The following SORCS1 variants were observed in gnomAD, a reference collection of about 807,000 sequenced individuals.
The protein encoded by SORCS1 is VPS10 domain-containing receptor SorCS1.
SORCS1 carries 60 observed loss-of-function variants against 146.1 expected under a neutral mutation model. That is an observed-to-expected ratio of 0.41 (90% confidence interval 0.33 to 0.51). SORCS1 has a LOEUF of 0.51. Among genes scored for constraint, SORCS1 ranks in the 20% least tolerant of loss-of-function variants. The probability of loss-of-function intolerance (pLI) is 0.21; values close to 1 mark genes in which losing one functional copy is unlikely to be tolerated. For synonymous variants in SORCS1, 637 were observed against 584.0 expected, an observed-to-expected ratio of 1.09 and a Z score of -1.31; for missense variants, 1,352 against 1,487.6, an observed-to-expected ratio of 0.91 and a Z score of 1.50.
At chr10:107,113,884 A>G (rs1386046132) in intron 1 of SORCS1, among the ~76,000 whole-genome samples, 1 of 151,204 alleles carries the variant, frequency 6.6e-6, no homozygotes, top group African/African-American at 2.4e-5. Flanking sequence ...TTGAAAAGAT[A>G]TAAATAGACA....
chr10:107,131,777 G>A (rs147354466), intron 1 of SORCS1, among the ~76,000 whole-genome samples: 2 of 152,156 alleles, frequency 1.3e-5, no homozygotes, highest in African/African-American at 4.8e-5. Context: ...CTGCTACACA[G>A]AGGATGCTAT....
At position 107,144,696 on chromosome 10, in the gene SORCS1, AC is replaced by A. The variant is rs1968153464; in HGVS notation, c.558+19272del. On this transcript the variant is annotated intron_variant, in intron 1 of 25. Coordinates refer to ENST00000263054, the MANE Select transcript of SORCS1 (RefSeq NM_052918.5). The stretch of plus-strand genomic sequence containing the variant: ...CCCCAGCTGAAGAGCCAGGTTCAGC[AC>A]TGTCTCATAGGGAACAGCTCCACCT... Among the ~76,000 whole-genome samples the A allele has an allele frequency of 3.9e-5, 6 of 152,364 alleles. No individual in the cohort carries two copies. In the South Asian group the frequency reaches 1.2e-3, roughly 32 times the overall value.
At position 106,695,664 on chromosome 10, in the gene SORCS1, A is replaced by T. The variant is rs146200001; in HGVS notation, c.1413+3550T>A. Among the ~76,000 whole-genome samples the T allele has an allele frequency of 1.4e-3, 213 of 152,244 alleles. 2 individuals are homozygous for T. The highest frequency in any genetic ancestry group is 3.4e-3 in the Middle Eastern group (1 of 294). On this transcript the variant is annotated intron_variant, in intron 9 of 25. Transcript: ENST00000263054. The stretch of plus-strand genomic sequence containing the variant: ...AGGTTCTTTACACCATGCCTGGCAT[A>T]AAGTGGCCCAAAATATTAGCCATTA...
intron 1 of SORCS1, among the ~76,000 whole-genome samples, chr10:107,137,930 C>A (rs1967469126): frequency 6.6e-6 from 1 of 151,866 alleles, no homozygotes; most frequent in Non-Finnish European, 1.5e-5. Context: ...ATTCCAAGTT[C>A]CATGAAGGCA....
chr10:107,141,832 T>G (rs963555994), intron 1 of SORCS1, among the ~76,000 whole-genome samples: 1 of 152,054 alleles, frequency 6.6e-6, no homozygotes, highest in Non-Finnish European at 1.5e-5. Flanking sequence ...GGCAGCAGAG[T>G]GATTTTCTGT....
At chr10:107,155,672 T>A (rs1455873002) in intron 1 of SORCS1, among the ~76,000 whole-genome samples, 1 of 152,088 alleles carries the variant, frequency 6.6e-6, no homozygotes, top group Non-Finnish European at 1.5e-5. Context: ...TCGCTTTTAA[T>A]CTGCCCCACC....
intron 18 of SORCS1, among the ~76,000 whole-genome samples, chr10:106,646,892 G>T (rs1849478241): frequency 6.7e-6 from 1 of 149,304 alleles, no homozygotes; most frequent in Non-Finnish European, 1.5e-5. Flanking sequence ...AAAGTGGGTG[G>T]GTGTGTGTCT....
intron 3 of SORCS1, among the ~76,000 whole-genome samples, chr10:106,817,820 T>C (rs990394316): frequency 6.6e-6 from 1 of 152,202 alleles, no homozygotes; most frequent in African/African-American, 2.4e-5. Context: ...TCAATAAATA[T>C]TGGTTCAACT....
chr10:106,593,210 T>A (rs1004570426), intron 24 of SORCS1, among the ~76,000 whole-genome samples: 1 of 151,798 alleles, frequency 6.6e-6, no homozygotes, highest in Non-Finnish European at 1.5e-5. Flanking sequence ...AAGTTTTCCA[T>A]GAGTGAAGGG....
intron 1 of SORCS1, among the ~76,000 whole-genome samples, chr10:107,025,799 A>T (rs571441812): frequency 6.2e-4 from 94 of 152,284 alleles, no homozygotes; most frequent in African/African-American, 2.2e-3. Flanking sequence ...CTTTTATGGG[A>T]TAAAAACAGC....
intron 6 of SORCS1, among the ~76,000 whole-genome samples, chr10:106,710,944 T>A (rs1364476224): frequency 6.6e-6 from 1 of 152,246 alleles, no homozygotes; most frequent in Non-Finnish European, 1.5e-5. Flanking sequence ...AGCTCACTGT[T>A]ACATCTGAGG....
At chr10:106,616,726 G>C (rs555487187) in intron 21 of SORCS1, among the ~76,000 whole-genome samples, 1 of 152,136 alleles carries the variant, frequency 6.6e-6, no homozygotes, top group East Asian at 1.9e-4. Context: ...AGCCATGAAA[G>C]GAATAGTGTC....
chr10:106,840,735 C>A (rs1948989758), intron 2 of SORCS1, among the ~76,000 whole-genome samples: 1 of 151,330 alleles, frequency 6.6e-6, no homozygotes, highest in Non-Finnish European at 1.5e-5. Context: ...TAAGAAATTG[C>A]CAGAGCCACC....
Position 106,582,985 on chromosome 10 carries a change from T to C in SORCS1, c.3266-3511A>G, listed in dbSNP as rs115109283. Among the ~76,000 whole-genome samples the C allele has an allele frequency of 9.7e-4, 147 of 152,328 alleles. 2 individuals carry two copies. Among genetic ancestry groups the C allele is most frequent in the African/African-American group, 3.2e-3 (135 of 41,564 alleles). On this transcript the variant is annotated intron_variant, in intron 24 of 25. Transcript: ENST00000263054. The stretch of plus-strand genomic sequence containing the variant: ...AAATTCAAAATTCCACATTTGGGGT[T>C]AAGTAATGATATGAGCCCTTTTCAG...
the SORCS1 span, among the ~76,000 whole-genome samples, chr10:107,176,307 CTCTT>C: frequency 0.028 from 2,542 of 91,460 alleles, 100 homozygotes; most frequent in African/African-American, 0.091. Flanking sequence ...CTTCCTTTCT[CTCTT>C]TCTTTCTCTC....
chr10:106,719,835 G>T (rs1445269789), intron 6 of SORCS1, among the ~76,000 whole-genome samples: 1 of 152,194 alleles, frequency 6.6e-6, no homozygotes, highest in Non-Finnish European at 1.5e-5. Flanking sequence ...AATAAAGACA[G>T]ATGACACGTT....
chr10:106,917,257 T>G (rs1019193464), intron 2 of SORCS1, among the ~76,000 whole-genome samples: 3 of 152,220 alleles, frequency 2.0e-5, no homozygotes, highest in Admixed American at 1.3e-4. Context: ...CTTGTGTTTC[T>G]TGATAAACTC....
the SORCS1 span, among the ~76,000 whole-genome samples, chr10:107,174,010 T>C: frequency 2.6e-5 from 4 of 152,206 alleles, no homozygotes; most frequent in African/African-American, 9.6e-5. Flanking sequence ...AGAATCTCAT[T>C]GTCAACTTCT....
chr10:106,896,145 G>T (rs1951465564), intron 2 of SORCS1, among the ~76,000 whole-genome samples: 1 of 152,030 alleles, frequency 6.6e-6, no homozygotes. Context: ...ATGAAAAGTA[G>T]AGGCCGGGTG....
Sources: allele counts gnomAD v4.1 joint callset (sites outside exome capture counted in the v4.1 genomes callset), GRCh38; gene constraint gnomAD v4.1.1; transcripts MANE v1.5; gene names NCBI Gene and HGNC (gene_info 2026-07-23, HGNC 2026-07-21).